Variants in AHCTF1 observed in about 807,000 individuals in gnomAD.
The protein encoded by AHCTF1 is protein ELYS.
A neutral mutation model predicts 248.4 loss-of-function variants in AHCTF1; 24 were observed. That is an observed-to-expected ratio of 0.10 (90% confidence interval 0.07 to 0.14). AHCTF1 has a LOEUF of 0.14. AHCTF1 is among the 10% of genes least tolerant of loss of function. AHCTF1 has a pLI of 1.00. For synonymous variants in AHCTF1, 786 were observed against 929.8 expected, an observed-to-expected ratio of 0.85 and a Z score of 2.81; for missense variants, 2,206 against 2,636.2, an observed-to-expected ratio of 0.84 and a Z score of 3.57.
chr1:246,881,837 CAA>C (rs541141857), intron 21 of AHCTF1, among the ~76,000 whole-genome samples: 3 of 76,690 alleles, frequency 3.9e-5, no homozygotes, highest in East Asian at 4.7e-4. Flanking sequence ...GGCTCCGTCT[CAA>C]AAAAAAAAAC....
chr1:246,847,502 A>T (rs1660367470), intron 33 of AHCTF1, among the ~76,000 whole-genome samples: 1 of 151,932 alleles, frequency 6.6e-6, no homozygotes, highest in African/African-American at 2.4e-5. Flanking sequence ...GTAGGCATGT[A>T]TTGTTTTTGT....
At position 246,902,531 on chromosome 1, in the gene AHCTF1, T is replaced by A; in HGVS notation, c.1111A>T (p.Asn371Tyr). Residue 371 changes from asparagine to tyrosine, a missense_variant, in exon 8 of 36, where the codon AAT (asparagine) becomes TAT (tyrosine). Asn to Tyr is a moderately radical substitution (Grantham distance 143). This residue lies in a region of AHCTF1 where 650 missense variants were observed against 870.8 expected (regional missense o/e 0.75). Coordinates refer to ENST00000648844, the MANE Select transcript of AHCTF1 (RefSeq NM_001323342.2). ...RSHGDREEGV[N>Y]EALSPDTSVS... ...TTCAAGTACTTTAACTAACCTTCAT[T>A]CACGCCTTCCTCCCTGTCACCATGA... 1.2e-6 allele frequency: 2 copies of A among 1,609,774 alleles called. No individual in the cohort carries two copies. The highest frequency in any genetic ancestry group is 1.7e-6 in the Non-Finnish European group (2 of 1,178,808).
intron 24 of AHCTF1, among the ~76,000 whole-genome samples, chr1:246,870,149 G>A (rs1259994008): frequency 6.6e-6 from 1 of 152,198 alleles, no homozygotes; most frequent in Non-Finnish European, 1.5e-5. Flanking sequence ...ACTAGAATGA[G>A]AAGCAGAGCC....
At position 246,860,891 on chromosome 1, in the gene AHCTF1, G is replaced by C; in HGVS notation, c.4132+8C>G. ...AACAATTTTGAGTATTCAGAAATGAGTTCTTACCCATTTGTTTCTGTAGGT... is the reference window on the plus strand; with the variant it reads ...AACAATTTTGAGTATTCAGAAATGACTTCTTACCCATTTGTTTCTGTAGGT... On this transcript the variant is annotated splice_region_variant and intron_variant, in intron 29 of 35. Transcript: ENST00000648844. The C allele has an allele frequency of 6.2e-7, 1 of 1,605,672 alleles. No individual in the cohort carries two copies. The highest frequency in any genetic ancestry group is 8.5e-7 in the Non-Finnish European group (1 of 1,173,328).
At chr1:246,901,447 A>G (rs984018524) in intron 8 of AHCTF1, among the ~76,000 whole-genome samples, 5 of 152,054 alleles carry the variant, frequency 3.3e-5, no homozygotes, top group African/African-American at 1.2e-4. Flanking sequence ...ACACGGTGAA[A>G]CCCTGTCTCT....
intron 1 of AHCTF1, among the ~76,000 whole-genome samples, chr1:246,919,885 T>C (rs1421919186): frequency 1.3e-5 from 2 of 151,724 alleles, no homozygotes; most frequent in African/African-American, 4.8e-5. Flanking sequence ...GGCTCATGCC[T>C]GTAACACCAC....
At chr1:246,877,111 C>T in intron 22 of AHCTF1, 30 bp from the exon 23 acceptor site, 2 of 1,612,106 alleles carry the variant, frequency 1.2e-6, no homozygotes, top group Non-Finnish European at 1.7e-6. Context: ...TTGTAAACTA[C>T]CAATTTATCT....
chr1:246,876,894 A>G, intron 23 of AHCTF1, 56 bp downstream of exon 23: 2 of 1,586,726 alleles, frequency 1.3e-6, no homozygotes, highest in Admixed American at 1.8e-5. Context: ...CAACCAAAAA[A>G]GCCTCCAGTT....
At chr1:246,887,587 C>T (rs919864526) in intron 19 of AHCTF1, among the ~76,000 whole-genome samples, 2 of 152,090 alleles carry the variant, frequency 1.3e-5, no homozygotes, top group Non-Finnish European at 1.5e-5. Context: ...TTATCAGCAC[C>T]ACAAAGGAGA....
At position 246,877,246 on chromosome 1, in the gene AHCTF1, T is replaced by C. The variant is rs2103106285; in HGVS notation, c.2717A>G (p.Glu906Gly). 1 of 1,613,076 alleles carries C rather than the reference T, an allele frequency of 6.2e-7. No individual in the cohort carries two copies. Among genetic ancestry groups the C allele is most frequent in the East Asian group, 2.2e-5 (1 of 44,872 alleles). ...TTCATACATGTGCTTCAGTAACTCC[T>C]CTATATTCAACCTATTGCAATGTTG... ...LRQHCNRLNI[E>G]ELLKHMYEVC... The change falls in exon 22 of 36, where the codon GAG becomes GGG. Residue 906 changes from glutamate (E) to glycine (G), a missense_variant. This residue lies in a region of AHCTF1 where 955 missense variants were observed against 1,055.6 expected (regional missense o/e 0.90). Transcript: ENST00000648844.
chr1:246,915,221 T>G lies in AHCTF1; in HGVS notation c.375+921A>C, dbSNP rs559663632. ...GGTGCACGCCTGTAGTCCCAGCTAC[T>G]CAGGAGGCTAAGGCAGGAGAATCGG... is the stretch of plus-strand genomic sequence containing the variant. On this transcript the variant is annotated intron_variant, in intron 3 of 35. Coordinates refer to ENST00000648844, the MANE Select transcript of AHCTF1 (RefSeq NM_001323342.2). Among the ~76,000 whole-genome samples, 42 of 152,140 alleles carry G rather than the reference T, an allele frequency of 2.8e-4. No homozygotes were observed. In the East Asian group the frequency reaches 7.9e-3, roughly 29 times the overall value.
At chr1:246,929,658 A>G (rs1260689873) in intron 1 of AHCTF1, among the ~76,000 whole-genome samples, 1 of 152,236 alleles carries the variant, frequency 6.6e-6, no homozygotes, top group African/African-American at 2.4e-5. Context: ...GAGACCTTTG[A>G]GCTAACCGAG....
At chr1:246,888,291 T>C in intron 18 of AHCTF1, 58 bp from the exon 19 acceptor site, 1 of 1,612,478 alleles carries the variant, frequency 6.2e-7, no homozygotes, top group Non-Finnish European at 8.5e-7. Context: ...CATTCATTCA[T>C]GCTTCTTGTT....
Position 246,848,390 on chromosome 1 carries a change from A to ATT in AHCTF1, c.6391+1223_6391+1224dup, listed in dbSNP as rs149650242. On this transcript the variant is annotated intron_variant, in intron 33 of 35. Transcript: ENST00000648844. ...CACCACGCCCGGATAATTTCTTTGT[A>ATT]TTTTTTTTAGTAGTGTTAGCCAGGA... Among the ~76,000 whole-genome samples the ATT allele has an allele frequency of 7.3e-3, 1,099 of 150,458 alleles. 14 individuals carry two copies. The highest frequency in any genetic ancestry group is 0.021 in the Middle Eastern group (6 of 288).
At chr1:246,899,104 A>G (rs569616673) in intron 11 of AHCTF1, among the ~76,000 whole-genome samples, 1 of 151,914 alleles carries the variant, frequency 6.6e-6, no homozygotes, top group African/African-American at 2.4e-5. Flanking sequence ...AGAGAAAAGT[A>G]TTTTTCAAAA....
chr1:246,902,514 C>CT lies in AHCTF1; in HGVS notation c.1117+10dup. The CT allele has an allele frequency of 6.2e-7, 1 of 1,604,700 alleles. No homozygotes were observed. Among genetic ancestry groups the CT allele is most frequent in the South Asian group, 1.1e-5 (1 of 89,856 alleles). On this transcript the variant is annotated intron_variant, in intron 8 of 35. Coordinates refer to ENST00000648844, the MANE Select transcript of AHCTF1 (RefSeq NM_001323342.2). ...GCCTTCACATGACATATTTCAAGTA[C>CT]TTTAACTAACCTTCATTCACGCCTT...
intron 1 of AHCTF1, among the ~76,000 whole-genome samples, chr1:246,922,843 C>T (rs1279456347): frequency 6.6e-6 from 1 of 150,816 alleles, no homozygotes; most frequent in African/African-American, 2.4e-5. Flanking sequence ...AATAGCCGGG[C>T]GTGGTGGCAG....
chr1:246,884,582 G>C (rs1663681699), intron 21 of AHCTF1, among the ~76,000 whole-genome samples: 1 of 152,174 alleles, frequency 6.6e-6, no homozygotes, highest in Non-Finnish European at 1.5e-5. Context: ...AATTTCTCCA[G>C]CTTAGTTCGT....
intron 24 of AHCTF1, among the ~76,000 whole-genome samples, chr1:246,870,494 G>T (rs1027938889): frequency 2.0e-5 from 3 of 152,066 alleles, no homozygotes; most frequent in East Asian, 1.9e-4. Context: ...AATAAATGAG[G>T]AATTGCTTCT....
Sources: gnomAD v4.1 joint callset for allele counts (sites outside exome capture counted in the v4.1 genomes callset) on GRCh38, gnomAD v4.1.1 for gene constraint, gnomAD v4.1.1 regional missense constraint, MANE v1.5 for transcripts, NCBI Gene and HGNC (gene_info 2026-07-23, HGNC 2026-07-21) for gene names.